Variants in NELL1 observed in about 807,000 individuals in gnomAD.
NELL1 encodes neural EGFL like 1, also known as protein kinase C-binding protein NELL1.
In NELL1, 76 loss-of-function variants were observed where a neutral mutation model predicts 107.4. The ratio of observed to expected loss-of-function variants is 0.71; its 90% CI spans 0.59 to 0.86. The LOEUF (loss-of-function observed/expected upper bound fraction) is 0.86, where lower values mean the gene tolerates loss of function less well. Ranked by LOEUF, NELL1 falls within the 40% of genes least tolerant of loss-of-function variation. The probability of loss-of-function intolerance (pLI) is 0.00; values close to 1 mark genes in which losing one functional copy is unlikely to be tolerated. For synonymous variants in NELL1, 353 were observed against 341.2 expected (o/e 1.03, Z -0.38); for missense variants, 1,024 against 1,005.5 (o/e 1.02, Z -0.25).
intron 2 of NELL1, among the ~76,000 whole-genome samples, chr11:20,709,294 G>T (rs1855053554): frequency 6.6e-6 from 1 of 151,930 alleles, no homozygotes; most frequent in Non-Finnish European, 1.5e-5. Flanking sequence ...GTTTAATAGG[G>T]TATTCTTTCC....
chr11:20,956,442 T>C (rs532066717), intron 11 of NELL1, among the ~76,000 whole-genome samples: 133 of 151,976 alleles, frequency 8.8e-4, no homozygotes, highest in Non-Finnish European at 1.7e-3. Context: ...GTCAGGAGAT[T>C]GAGACTGTCC....
At chr11:21,021,444 G>C (rs1852698887) in intron 12 of NELL1, among the ~76,000 whole-genome samples, 1 of 152,054 alleles carries the variant, frequency 6.6e-6, no homozygotes. Context: ...CCCCCAAATA[G>C]TTGCTTTATT....
chr11:21,434,387 C>T (rs902483050), intron 15 of NELL1, among the ~76,000 whole-genome samples: 7 of 152,056 alleles, frequency 4.6e-5, no homozygotes, highest in Middle Eastern at 6.8e-3. Flanking sequence ...ATATGGGGCT[C>T]TAGTTTCATT....
intron 15 of NELL1, among the ~76,000 whole-genome samples, chr11:21,506,062 A>G (rs1027310684): frequency 2.0e-5 from 3 of 152,224 alleles, no homozygotes; most frequent in African/African-American, 7.2e-5. Context: ...ACTGATTTAA[A>G]AAATCATTCT....
At chr11:20,751,408 G>C (rs948428615) in intron 2 of NELL1, among the ~76,000 whole-genome samples, 1 of 151,964 alleles carries the variant, frequency 6.6e-6, no homozygotes, top group Non-Finnish European at 1.5e-5. Context: ...ATCAATTTAG[G>C]TTTCTTTAAT....
intron 15 of NELL1, among the ~76,000 whole-genome samples, chr11:21,413,327 A>T (rs1268003087): frequency 6.6e-6 from 1 of 151,952 alleles, no homozygotes; most frequent in Non-Finnish European, 1.5e-5. Flanking sequence ...GCATCGTGGA[A>T]AAATGACACT....
In NELL1 at chr11:20,847,691, A is replaced by G. The variant is rs776728422; in HGVS notation, c.444A>G (p.Gln148=). ...EALPYRMADG[Q]WHKVALSVSA... is the part of the protein sequence containing the mutation. ...TTCCTTACCGCATGGCAGATGGACA[A>G]TGGCACAAGGTTGCACTGTCAGTTA... Residue 148 remains glutamine, a synonymous_variant, in exon 4 of 20, where the codon CAA becomes CAG. Coordinates refer to ENST00000357134, the MANE Select transcript of NELL1 (RefSeq NM_006157.5). The G allele has an allele frequency of 5.6e-6, 9 of 1,613,764 alleles. No homozygotes were observed. The East Asian group carries it at 2.0e-4, about 36-fold the overall frequency.
At chr11:21,273,493 A>G (rs1441029120) in intron 14 of NELL1, among the ~76,000 whole-genome samples, 4 of 152,242 alleles carry the variant, frequency 2.6e-5, no homozygotes, top group Non-Finnish European at 5.9e-5. Context: ...GGTATTATCC[A>G]GGAGAACTTC....
At chr11:21,353,849 A>G (rs1157584002) in intron 14 of NELL1, among the ~76,000 whole-genome samples, 3 of 152,212 alleles carry the variant, frequency 2.0e-5, no homozygotes, top group Non-Finnish European at 4.4e-5. Flanking sequence ...GTAAATTTTC[A>G]ACAAAATACA....
chr11:20,677,103 T>G (rs964927774), intron 1 of NELL1, among the ~76,000 whole-genome samples: 2 of 152,216 alleles, frequency 1.3e-5, no homozygotes, highest in Non-Finnish European at 2.9e-5. Flanking sequence ...ATTAAGGTTC[T>G]CTAAAAAGAG....
chr11:21,497,159 G>A lies in NELL1; in HGVS notation c.1646-37215G>A, dbSNP rs373187446. Among the ~76,000 whole-genome samples, 21 of 120,506 alleles carry A rather than the reference G, an allele frequency of 1.7e-4. No homozygotes were observed. The East Asian group carries it at 3.5e-3, about 20-fold the overall frequency. 79.1% of individuals were successfully genotyped at this position (120,506 alleles called of 152,430 possible). A position where few individuals can be genotyped will look rare whatever the true frequency, so the allele number is the denominator to read the frequency against. On this transcript the variant is annotated intron_variant, in intron 15 of 19. Coordinates refer to ENST00000357134, the MANE Select transcript of NELL1 (RefSeq NM_006157.5). ...TATATACCCAGTAATGGGATGGCTGGGGTGGGGGGAGGGGGGAGGGATAGC... is the reference window on the plus strand; with the variant it reads ...TATATACCCAGTAATGGGATGGCTGAGGTGGGGGGAGGGGGGAGGGATAGC...
At chr11:21,148,772 A>G (rs1245430702) in intron 13 of NELL1, among the ~76,000 whole-genome samples, 1 of 152,208 alleles carries the variant, frequency 6.6e-6, no homozygotes, top group Non-Finnish European at 1.5e-5. Flanking sequence ...GCCAAAATAG[A>G]AGACCTTGAG....
intron 16 of NELL1, among the ~76,000 whole-genome samples, chr11:21,549,847 G>A (rs915264010): frequency 1.1e-4 from 17 of 151,502 alleles, no homozygotes; most frequent in African/African-American, 4.1e-4. Context: ...TAGGGAAGAG[G>A]GCCCAATGTA....
At chr11:21,058,613 A>G (rs772292857) in intron 12 of NELL1, among the ~76,000 whole-genome samples, 16 of 152,104 alleles carry the variant, frequency 1.1e-4, no homozygotes, top group Non-Finnish European at 1.9e-4. Context: ...TTTATCCCCT[A>G]CTAGTAAAGA....
chr11:20,730,670 C>G (rs536012990), intron 2 of NELL1, among the ~76,000 whole-genome samples: 1 of 152,094 alleles, frequency 6.6e-6, no homozygotes, highest in Non-Finnish European at 1.5e-5. Flanking sequence ...TGACTGTGAC[C>G]GCTGCTTTGA....
At chr11:21,421,777 A>G (rs1852678621) in intron 15 of NELL1, among the ~76,000 whole-genome samples, 1 of 152,174 alleles carries the variant, frequency 6.6e-6, no homozygotes, top group African/African-American at 2.4e-5. Flanking sequence ...AGACATGAAT[A>G]AAACTATATC....
intron 11 of NELL1, among the ~76,000 whole-genome samples, chr11:20,956,286 G>A (rs1231438574): frequency 4.6e-5 from 7 of 152,080 alleles, no homozygotes. Context: ...TGAATCAGAG[G>A]CAGAGGACTT....
At chr11:21,273,788 T>C (rs1848793442) in intron 14 of NELL1, among the ~76,000 whole-genome samples, 1 of 152,200 alleles carries the variant, frequency 6.6e-6, no homozygotes. Context: ...CAGAATTTCA[T>C]ATCCAGCCAA....
At chr11:20,775,789 C>G (rs1790051765) in intron 2 of NELL1, among the ~76,000 whole-genome samples, 1 of 152,112 alleles carries the variant, frequency 6.6e-6, no homozygotes, top group Admixed American at 6.6e-5. Flanking sequence ...TATGGGGGTA[C>G]CAGAATCTCT....
Sources: gnomAD v4.1 joint callset for allele counts (sites outside exome capture counted in the v4.1 genomes callset) on GRCh38, gnomAD v4.1.1 for gene constraint, MANE v1.5 for transcripts, NCBI Gene and HGNC (gene_info 2026-07-23, HGNC 2026-07-21) for gene names.